ANKRD52: variants seen among roughly 807,000 people sequenced by gnomAD.
ANKRD52 encodes the protein ankyrin repeat domain 52, also known as serine/threonine-protein phosphatase 6 regulatory ankyrin repeat subunit C.
In ANKRD52, 7 loss-of-function variants were observed where a neutral mutation model predicts 116.0. The observed-to-expected ratio is 0.06, with a 90% CI of 0.03 to 0.11. The LOEUF (loss-of-function observed/expected upper bound fraction) is 0.11, where lower values mean the gene tolerates loss of function less well. Ranked by LOEUF, ANKRD52 falls within the 10% of genes least tolerant of loss-of-function variation. ANKRD52 has a pLI of 1.00. For missense variants in ANKRD52, 839 were observed against 1,408.6 expected (o/e 0.60, Z 6.47); for synonymous variants, 528 against 578.1 (o/e 0.91, Z 1.24).
At position 56,254,446 on chromosome 12, in the gene ANKRD52, C is replaced by T; in HGVS notation, c.693+132G>A. The T allele has an allele frequency of 2.0e-6, 3 of 1,470,092 alleles. No individual in the cohort carries two copies. The highest frequency in any genetic ancestry group is 2.7e-6 in the Non-Finnish European group (3 of 1,092,420). The allele number at this position is 1,470,092 out of a possible 1,614,324, so 91.1% of individuals were successfully genotyped here. On this transcript the variant is annotated intron_variant, in intron 7 of 27. Transcript: ENST00000267116. The surrounding 1 kb of genome is among the most constrained non-coding windows in gnomAD (Gnocchi z 4.6). Reference sequence around the variant, plus strand: ...CACTATGGCTAAGGTAAGCATTATTCAGACCCTCTCTACCACGTCCTTCCA... The same window carrying T: ...CACTATGGCTAAGGTAAGCATTATTTAGACCCTCTCTACCACGTCCTTCCA...
At chr12:56,258,214 A>G in intron 1 of ANKRD52, 29 bp downstream of exon 1, 1 of 1,597,522 alleles carries the variant, frequency 6.3e-7, no homozygotes, top group Middle Eastern at 1.8e-4. Context: ...CCCTGGAAGG[A>G]GGAAGCGGGA....
rs922994543 is a variant in ANKRD52 at position 56,258,365 on chromosome 12, G to T, written c.-96C>A. The T allele has an allele frequency of 1.7e-5, 22 of 1,294,190 alleles. No individual in the cohort carries two copies. Among genetic ancestry groups the T allele is most frequent in the South Asian group, 2.3e-5 (1 of 43,434 alleles). The allele number at this position is 1,294,190 out of a possible 1,614,324, so 80.2% of individuals were successfully genotyped here. ...CGGCCCAGGCGGCGGCTGCGGTGGCGGCTGCAGGGAGAGCGCGGCCCCGCC... is the reference window on the plus strand; with the variant it reads ...CGGCCCAGGCGGCGGCTGCGGTGGCTGCTGCAGGGAGAGCGCGGCCCCGCC... On this transcript the variant is annotated 5_prime_UTR_variant, in exon 1 of 28. Coordinates refer to ENST00000267116, the MANE Select transcript of ANKRD52 (RefSeq NM_173595.4).
chr12:56,245,017 A>G lies in ANKRD52; in HGVS notation c.2493-28T>C, dbSNP rs536171646. 6.8e-6 allele frequency: 11 copies of G among 1,613,374 alleles called. No homozygotes were observed. The South Asian group carries it at 8.8e-5, about 13-fold the overall frequency. ...AGAGGAAGAGGGAGGAGGGGTCATC[A>G]GGAAGGACAAGGGAAGTAGACTACC... On this transcript the variant is annotated intron_variant, in intron 22 of 27. Coordinates refer to ENST00000267116, the MANE Select transcript of ANKRD52 (RefSeq NM_173595.4).
chr12:56,253,816 G>A lies in ANKRD52; in HGVS notation c.907-16C>T, dbSNP rs1264677242. ...CTTCTTTGCTCTGTGGAAACATGGT[G>A]GGTTTTTGTTTTTGTTTTTTTTTCC... On this transcript the variant is annotated splice_polypyrimidine_tract_variant and intron_variant, in intron 8 of 27. Coordinates refer to ENST00000267116, the MANE Select transcript of ANKRD52 (RefSeq NM_173595.4). This position sits in a 1 kb window ranked among gnomAD's most constrained non-coding sequence, Gnocchi z 5.5. 5 of 1,612,986 alleles carry A rather than the reference G, an allele frequency of 3.1e-6. No homozygotes were observed. The highest frequency in any genetic ancestry group is 1.7e-5 in the Admixed American group (1 of 59,868).
At position 56,242,932 on chromosome 12, in the gene ANKRD52, A is replaced by T; in HGVS notation, c.*210T>A. On this transcript the variant is annotated 3_prime_UTR_variant, in exon 28 of 28. Transcript: ENST00000267116. This position sits in a 1 kb window ranked among gnomAD's most constrained non-coding sequence, Gnocchi z 4.3. Reference sequence around the variant, plus strand: ...AGAAGGGGTCGCCCTGGGGGTACCAAGGGCCTGGGGTGCTCCCTGTCAGTC... The same window carrying T: ...AGAAGGGGTCGCCCTGGGGGTACCATGGGCCTGGGGTGCTCCCTGTCAGTC... The T allele has an allele frequency of 1.5e-6, 1 of 648,318 alleles. No homozygotes were observed. The highest frequency in any genetic ancestry group is 2.5e-6 in the Non-Finnish European group (1 of 402,768). The allele number at this position is 648,318 out of a possible 1,614,324, so 40.2% of individuals were successfully genotyped here.
At position 56,243,465 on chromosome 12, in the gene ANKRD52, T is replaced by C; in HGVS notation, c.2981-73A>G. 6.5e-7 allele frequency: 1 copy of C among 1,527,114 alleles called. No homozygotes were observed. Among genetic ancestry groups the C allele is most frequent in the South Asian group, 1.3e-5 (1 of 79,928 alleles). 94.6% of individuals were successfully genotyped at this position (1,527,114 alleles called of 1,614,324 possible). On this transcript the variant is annotated intron_variant, in intron 27 of 27. Coordinates refer to ENST00000267116, the MANE Select transcript of ANKRD52 (RefSeq NM_173595.4). The surrounding 1 kb of genome is among the most constrained non-coding windows in gnomAD (Gnocchi z 4.6). Reference sequence around the variant, plus strand: ...CCAGCCTCCCCCAAGCCCTGAAGTCTCTTCTCTGTGGAGGGAGCCAAGGCA... The same window carrying C: ...CCAGCCTCCCCCAAGCCCTGAAGTCCCTTCTCTGTGGAGGGAGCCAAGGCA...
chr12:56,249,363 T>C (rs1053152251), intron 15 of ANKRD52, among the ~76,000 whole-genome samples: 1 of 152,190 alleles, frequency 6.6e-6, no homozygotes, highest in Non-Finnish European at 1.5e-5. Context: ...GTAGTAGTTG[T>C]AGTAGTAGTA....
chr12:56,248,372 G>A lies in ANKRD52; in HGVS notation c.1776+123C>T. The A allele has an allele frequency of 1.4e-6, 2 of 1,406,236 alleles. No homozygotes were observed. Among genetic ancestry groups the A allele is most frequent in the Non-Finnish European group, 2.0e-6 (2 of 1,015,098 alleles). The allele number at this position is 1,406,236 out of a possible 1,614,324, so 87.1% of individuals were successfully genotyped here. On this transcript the variant is annotated intron_variant, in intron 17 of 27. Transcript: ENST00000267116. This position sits in a 1 kb window ranked among gnomAD's most constrained non-coding sequence, Gnocchi z 5.1. Reference sequence around the variant, plus strand: ...CCCTTAAGGCTTCCTACCCTGCACTGTGCTTATCCCCTCTCCCACAAAAAG... The same window carrying A: ...CCCTTAAGGCTTCCTACCCTGCACTATGCTTATCCCCTCTCCCACAAAAAG...
intron 15 of ANKRD52, among the ~76,000 whole-genome samples, chr12:56,250,433 T>C (rs1379793383): frequency 6.6e-6 from 1 of 150,654 alleles, no homozygotes; most frequent in East Asian, 1.9e-4. Flanking sequence ...TGGCTATTCA[T>C]AGGCATGATC....
rs1871176299 is a variant in ANKRD52, at chr12:56,241,635, G to T, written c.*1507C>A. 1 of 214,788 alleles carries T rather than the reference G, an allele frequency of 4.7e-6. No homozygotes were observed. Among genetic ancestry groups the T allele is most frequent in the Non-Finnish European group, 9.1e-6 (1 of 109,316 alleles). The allele number at this position is 214,788 out of a possible 1,614,324, so 13.3% of individuals were successfully genotyped here. On this transcript the variant is annotated 3_prime_UTR_variant, in exon 28 of 28. Coordinates refer to ENST00000267116, the MANE Select transcript of ANKRD52 (RefSeq NM_173595.4). ...GCAAGGATGCAGTGTGGGGGCGGAGGGGGCATGACCTCTATTCAAGTTCTG... is the reference window on the plus strand; with the variant it reads ...GCAAGGATGCAGTGTGGGGGCGGAGTGGGCATGACCTCTATTCAAGTTCTG...
rs749328350 is a variant in ANKRD52 at position 56,244,027 on chromosome 12, G to A, written c.2888+24C>T. 1 of 1,612,954 alleles carries A rather than the reference G, an allele frequency of 6.2e-7. No homozygotes were observed. Among genetic ancestry groups the A allele is most frequent in the Non-Finnish European group, 8.5e-7 (1 of 1,179,590 alleles). ...TCACCCACTGGCCTCCCCCAGCCAG[G>A]AGCCCCCTTCCCCAGGCACTCACAT... On this transcript the variant is annotated intron_variant, in intron 26 of 27. Transcript: ENST00000267116. The surrounding 1 kb of genome is among the most constrained non-coding windows in gnomAD (Gnocchi z 4.9).
chr12:56,249,108 A>C (rs1377706057), intron 15 of ANKRD52, among the ~76,000 whole-genome samples: 1 of 152,180 alleles, frequency 6.6e-6, no homozygotes, highest in Non-Finnish European at 1.5e-5. Context: ...TTATCCTCTG[A>C]ATGCTCTCCT....
rs77320661 is a variant in ANKRD52 at position 56,253,857 on chromosome 12, G to A, written c.907-57C>T. ...TTTTTTTTCCAGTGCAAAGCACAGA[G>A]AATGCCCTACCTCCCTTCCAAGGAC... On this transcript the variant is annotated intron_variant, in intron 8 of 27. Transcript: ENST00000267116. The surrounding 1 kb of genome is among the most constrained non-coding windows in gnomAD (Gnocchi z 5.5). The A allele has an allele frequency of 9.1e-3, 14,191 of 1,553,098 alleles. 1,133 individuals carry two copies. The African/African-American group carries it at 0.17, about 19-fold the overall frequency.
chr12:56,253,293 G>A lies in ANKRD52; in HGVS notation c.1095C>T (p.Thr365=), dbSNP rs760596321. The A allele has an allele frequency of 2.8e-5, 45 of 1,612,826 alleles. No individual in the cohort carries two copies. Among genetic ancestry groups the A allele is most frequent in the Middle Eastern group, 1.7e-4 (1 of 5,806 alleles). Residue 365 remains threonine, a synonymous_variant, in exon 10 of 28, where the codon ACC becomes ACT. Coordinates refer to ENST00000267116, the MANE Select transcript of ANKRD52 (RefSeq NM_173595.4). This position sits in a 1 kb window ranked among gnomAD's most constrained non-coding sequence, Gnocchi z 5.5. ...ISTLMTNGAD[T]ARRGIHDMFP... ...GAGTCGGGGCCCTGACTCACCGGGC[G>A]GTATCTGCGCCATTGGTCATGAGGG...
Position 56,254,858 on chromosome 12 carries a change from C to T in ANKRD52, c.550+7G>A, listed in dbSNP as rs751306091. 4.5e-5 allele frequency: 73 copies of T among 1,612,008 alleles called. No individual in the cohort carries two copies. The highest frequency in any genetic ancestry group is 2.5e-6 in the Non-Finnish European group (3 of 1,178,262). ...AATTTCTGATTTTCCCGTGTATTCT[C>T]TCTCACCTAGAAAAGCTGCCCAATG... is the stretch of plus-strand genomic sequence containing the variant. On this transcript the variant is annotated splice_region_variant and intron_variant, in intron 6 of 27. Transcript: ENST00000267116. This position sits in a 1 kb window ranked among gnomAD's most constrained non-coding sequence, Gnocchi z 4.6.
rs376572123 is a variant in ANKRD52, at chr12:56,248,258, C to T, written c.1777-34G>A. ...GTGCAGGCAACCAGTGCACACAGCTCGGGACCTTCCCTGCTCCTCCCTTCC... is the reference window on the plus strand; with the variant it reads ...GTGCAGGCAACCAGTGCACACAGCTTGGGACCTTCCCTGCTCCTCCCTTCC... On this transcript the variant is annotated intron_variant, in intron 17 of 27. Coordinates refer to ENST00000267116, the MANE Select transcript of ANKRD52 (RefSeq NM_173595.4). This position sits in a 1 kb window ranked among gnomAD's most constrained non-coding sequence, Gnocchi z 5.1. 17 of 1,607,302 alleles carry T rather than the reference C, an allele frequency of 1.1e-5. No homozygotes were observed. The African/African-American group carries it at 1.2e-4, about 11-fold the overall frequency.
intron 21 of ANKRD52, 60 bp from the exon 22 acceptor site, chr12:56,245,250 T>C: frequency 6.2e-7 from 1 of 1,605,420 alleles, no homozygotes. Flanking sequence ...CTGTCTGTCC[T>C]GTGTCTTGAC....
Position 56,242,858 on chromosome 12 carries a change from CAAA to C in ANKRD52, c.*281_*283del, listed in dbSNP as rs1871223186. On this transcript the variant is annotated 3_prime_UTR_variant, in exon 28 of 28. Transcript: ENST00000267116. This position sits in a 1 kb window ranked among gnomAD's most constrained non-coding sequence, Gnocchi z 4.3. ...GAAAGAGGGAACCAAGAGATGGAGTCAAAGAGTGGGGGAGCCAGGCATTTAGCA... is the reference window on the plus strand; with the variant it reads ...GAAAGAGGGAACCAAGAGATGGAGTCGAGTGGGGGAGCCAGGCATTTAGCA... 2.4e-6 allele frequency: 1 copy of C among 416,026 alleles called. No individual in the cohort carries two copies. Among genetic ancestry groups the C allele is most frequent in the African/African-American group, 2.0e-5 (1 of 50,296 alleles). The allele number at this position is 416,026 out of a possible 1,614,324, so 25.8% of individuals were successfully genotyped here. A position where few individuals can be genotyped will look rare whatever the true frequency, so the allele number is the denominator to read the frequency against.
In ANKRD52 at chr12:56,244,891, T is replaced by C. The variant is rs747616725; in HGVS notation, c.2576+15A>G. 6.2e-7 allele frequency: 1 copy of C among 1,613,922 alleles called. No homozygotes were observed. Among genetic ancestry groups the C allele is most frequent in the East Asian group, 2.2e-5 (1 of 44,882 alleles). On this transcript the variant is annotated intron_variant, in intron 23 of 27. Transcript: ENST00000267116. This position sits in a 1 kb window ranked among gnomAD's most constrained non-coding sequence, Gnocchi z 4.9. Reference sequence around the variant, plus strand: ...AGAGGCAACTGGGATTCTTCCCAAGTCTTCCATCACTCACCGTCCTTTGGC... The same window carrying C: ...AGAGGCAACTGGGATTCTTCCCAAGCCTTCCATCACTCACCGTCCTTTGGC...
Sources: allele counts gnomAD v4.1 joint callset (sites outside exome capture counted in the v4.1 genomes callset), GRCh38; gene constraint gnomAD v4.1.1; non-coding constraint Gnocchi (gnomAD v3.1); transcripts MANE v1.5; gene names NCBI Gene and HGNC (gene_info 2026-07-23, HGNC 2026-07-21).